ZC3H13: variants seen among roughly 807,000 people sequenced by gnomAD.
ZC3H13 encodes the protein zinc finger CCCH domain-containing protein 13.
A neutral mutation model predicts 204.1 loss-of-function variants in ZC3H13; 64 were observed. The ratio of observed to expected loss-of-function variants is 0.31; its 90% confidence interval spans 0.26 to 0.39. The LOEUF (loss-of-function observed/expected upper bound fraction) is 0.39, where lower values mean the gene tolerates loss of function less well. Among genes scored for constraint, ZC3H13 ranks in the 10% least tolerant of loss-of-function variants. The pLI, the probability that ZC3H13 is intolerant of heterozygous loss-of-function variation, is 1.00. For synonymous variants in ZC3H13, 667 were observed against 693.7 expected (o/e 0.96, Z 0.60); for missense variants, 1,833 against 2,082.7 (o/e 0.88, Z 2.33).
At chr13:45,981,214 T>C (rs1296785558) in intron 10 of ZC3H13, among the ~76,000 whole-genome samples, 1 of 152,194 alleles carries the variant, frequency 6.6e-6, no homozygotes, top group East Asian at 1.9e-4. Context: ...CCTCATAGAA[T>C]TACCATGGAT....
intron 5 of ZC3H13, 49 bp downstream of exon 5, chr13:46,020,400 A>G: frequency 7.0e-7 from 1 of 1,431,624 alleles, no homozygotes; most frequent in Middle Eastern, 1.8e-4. Flanking sequence ...AAACTCTAGA[A>G]AGTAAATAAT....
intron 4 of ZC3H13, among the ~76,000 whole-genome samples, chr13:46,024,432 G>A (rs2138870705): frequency 6.6e-6 from 1 of 152,276 alleles, no homozygotes; most frequent in East Asian, 1.9e-4. Context: ...CTGAAAGCCA[G>A]ACTTTGGTAC....
chr13:46,043,352 A>C (rs2139165181), intron 3 of ZC3H13, among the ~76,000 whole-genome samples: 1 of 152,102 alleles, frequency 6.6e-6, no homozygotes, highest in South Asian at 2.1e-4. Context: ...TAATAGATTT[A>C]TATTAAATGT....
Position 45,980,135 on chromosome 13 carries a change from G to A in ZC3H13, c.1721-131C>T, listed in dbSNP as rs1396804418. The stretch of plus-strand genomic sequence containing the variant: ...ATTCCAAAGTGTGGTAATCACTCCT[G>A]AAAAGAGTATCAAGCAATGAATCAG... On this transcript the variant is annotated intron_variant, in intron 10 of 18. Transcript: ENST00000679008. 5.1e-6 allele frequency: 4 copies of A among 780,840 alleles called. No homozygotes were observed. The African/African-American group carries it at 7.4e-5, about 14-fold the overall frequency. 48.4% of individuals were successfully genotyped at this position (780,840 alleles called of 1,614,324 possible).
At chr13:46,007,361 G>A (rs997968034) in intron 7 of ZC3H13, among the ~76,000 whole-genome samples, 1 of 152,066 alleles carries the variant, frequency 6.6e-6, no homozygotes, top group East Asian at 1.9e-4. Context: ...CTCAATTTCC[G>A]TTTTTCTTTG....
chr13:46,026,859 C>T (rs1361254959), intron 4 of ZC3H13, among the ~76,000 whole-genome samples: 1 of 151,872 alleles, frequency 6.6e-6, no homozygotes, highest in Non-Finnish European at 1.5e-5. Context: ...AACAAATGTT[C>T]AACAAATTCA....
intron 9 of ZC3H13, among the ~76,000 whole-genome samples, chr13:45,987,695 G>A (rs2039646300): frequency 6.6e-6 from 1 of 152,092 alleles, no homozygotes; most frequent in African/African-American, 2.4e-5. Flanking sequence ...TGTTTCATAG[G>A]AGACTGCCGT....
chr13:46,041,436 T>C (rs2043576313), intron 4 of ZC3H13, among the ~76,000 whole-genome samples: 1 of 152,144 alleles, frequency 6.6e-6, no homozygotes. Flanking sequence ...GGGCGACTGC[T>C]GAAAAGTTTG....
chr13:46,018,705 T>C (rs2042056450), intron 5 of ZC3H13, among the ~76,000 whole-genome samples: 2 of 152,144 alleles, frequency 1.3e-5, no homozygotes, highest in African/African-American at 4.8e-5. Flanking sequence ...TGGAGAAGGT[T>C]TGACATACCT....
intron 9 of ZC3H13, among the ~76,000 whole-genome samples, chr13:45,986,056 G>A (rs41284153): frequency 2.0e-5 from 3 of 152,056 alleles, no homozygotes; most frequent in Non-Finnish European, 2.9e-5. Context: ...TATCATTGAC[G>A]GCTTACTTTT....
intron 8 of ZC3H13, among the ~76,000 whole-genome samples, chr13:46,001,880 C>G (rs911434728): frequency 6.7e-6 from 1 of 150,262 alleles, no homozygotes; most frequent in East Asian, 2.0e-4. Context: ...TCTAAGAAAA[C>G]ATACTTAAGA....
chr13:46,012,629 T>G (rs1000483888), intron 5 of ZC3H13, among the ~76,000 whole-genome samples: 1 of 152,182 alleles, frequency 6.6e-6, no homozygotes, highest in Admixed American at 6.5e-5. Flanking sequence ...TGACTAAGCT[T>G]GATTACTCAT....
At chr13:46,037,939 T>C (rs1220964297) in intron 4 of ZC3H13, among the ~76,000 whole-genome samples, 3 of 152,204 alleles carry the variant, frequency 2.0e-5, no homozygotes, top group African/African-American at 7.2e-5. Context: ...CACACTTCAA[T>C]TCAGACTACC....
At chr13:45,957,522 A>G (rs1951348293) in intron 18 of ZC3H13, among the ~76,000 whole-genome samples, 1 of 152,224 alleles carries the variant, frequency 6.6e-6, no homozygotes, top group South Asian at 2.1e-4. Flanking sequence ...TCTTGCTTAA[A>G]GTAGGAATCC....
intron 1 of ZC3H13, among the ~76,000 whole-genome samples, chr13:46,050,225 G>T (rs577974473): frequency 6.6e-6 from 1 of 151,944 alleles, no homozygotes; most frequent in Non-Finnish European, 1.5e-5. Flanking sequence ...CCCTTGCCCC[G>T]AGAAACTTAG....
At chr13:46,037,134 T>C (rs763769187) in intron 4 of ZC3H13, among the ~76,000 whole-genome samples, 9 of 152,202 alleles carry the variant, frequency 5.9e-5, no homozygotes, top group Non-Finnish European at 1.3e-4. Context: ...ATCAGTTGCA[T>C]AACAGTGTAA....
At chr13:45,965,980 TCCTC>T (rs1221933846) in intron 15 of ZC3H13, among the ~76,000 whole-genome samples, 4 of 152,256 alleles carry the variant, frequency 2.6e-5, no homozygotes, top group Admixed American at 6.5e-5. Context: ...TCTCAATTCC[TCCTC>T]CCTATCTCAA....
At chr13:46,038,941 G>A (rs1422296292) in intron 4 of ZC3H13, among the ~76,000 whole-genome samples, 1 of 152,168 alleles carries the variant, frequency 6.6e-6, no homozygotes, top group Non-Finnish European at 1.5e-5. Context: ...AGAATCGCTT[G>A]AACCTAGGAG....
chr13:46,042,346 T>G (rs1017777862), intron 3 of ZC3H13, 71 bp from the exon 4 acceptor site: 3 of 958,018 alleles, frequency 3.1e-6, no homozygotes, highest in Non-Finnish European at 4.6e-6. Context: ...TATATATTAA[T>G]AACATTTTAT....
Sources: allele counts gnomAD v4.1 joint callset (sites outside exome capture counted in the v4.1 genomes callset), GRCh38; gene constraint gnomAD v4.1.1; transcripts MANE v1.5; gene names NCBI Gene and HGNC (gene_info 2026-07-23, HGNC 2026-07-21).